Variants in WNK2 observed in about 807,000 individuals in gnomAD.
WNK2 encodes serine/threonine-protein kinase WNK2.
Under a neutral mutation model 192.1 loss-of-function variants are expected in WNK2, and 67 were observed. The observed-to-expected ratio is 0.35, with a 90% CI of 0.29 to 0.43. The LOEUF is 0.43. Among genes scored for constraint, WNK2 ranks in the 20% least tolerant of loss-of-function variants. WNK2 has a pLI of 1.00. For missense variants in WNK2, 2,698 were observed against 3,089.7 expected (o/e 0.87, Z 3.01); for synonymous variants, 1,439 against 1,393.9 (o/e 1.03, Z -0.72).
chr9:93,206,365 A>C (rs1311742509), intron 2 of WNK2, among the ~76,000 whole-genome samples: 1 of 152,078 alleles, frequency 6.6e-6, no homozygotes. Context: ...GGAAACCCCC[A>C]CCCCTTCACC....
chr9:93,245,029 G>A (rs767075539), intron 7 of WNK2, among the ~76,000 whole-genome samples: 6 of 77,948 alleles, frequency 7.7e-5, no homozygotes, highest in East Asian at 3.9e-4. Context: ...CCCCTCCCCC[G>A]CCCCACTTAT....
At chr9:93,317,899 A>G in intron 29 of WNK2, 1 of 1,588,470 alleles carries the variant, frequency 6.3e-7, no homozygotes, top group Non-Finnish European at 8.6e-7. Context: ...CGCCCGGAGA[A>G]ACCAGGTGTG....
Position 93,297,935 on chromosome 9 carries a change from C to T in WNK2, c.5791C>T (p.Pro1931Ser). Residue 1931 changes from proline (P) to serine (S), a missense_variant, in exon 24 of 30, where the codon CCC becomes TCC. Coordinates refer to ENST00000427277, the MANE Select transcript of WNK2 (RefSeq NM_006648.4). ...ALYRRLGKPL[P>S]PNVGFFHTAP... ...GTACCGCCGCCTGGGCAAGCCACTG[C>T]CCCCCAACGTGGGCTTCTTCCACAC... is the stretch of plus-strand genomic sequence containing the variant. 2 of 1,589,244 alleles carry T rather than the reference C, an allele frequency of 1.3e-6. No individual in the cohort carries two copies. The highest frequency in any genetic ancestry group is 1.7e-6 in the Non-Finnish European group (2 of 1,169,066).
intron 14 of WNK2, chr9:93,263,364 G>GC (rs1195468647): frequency 4.7e-6 from 3 of 633,218 alleles, no homozygotes; most frequent in Non-Finnish European, 8.3e-6. Context: ...GCTTCCTTCT[G>GC]CCCGTGCCAC....
chr9:93,294,875 G>A (rs1849982417), intron 23 of WNK2, among the ~76,000 whole-genome samples: 1 of 152,132 alleles, frequency 6.6e-6, no homozygotes, highest in South Asian at 2.1e-4. Flanking sequence ...GGAGTCCAGA[G>A]GGAAGTGTGG....
Position 93,258,990 on chromosome 9 carries a change from T to A in WNK2, c.2442T>A (p.Pro814=). The change falls in exon 12 of 30, where the codon CCT becomes CCA. Residue 814 remains proline, a synonymous_variant. Transcript: ENST00000427277. ...ITPLAGIDGL[P]PALPDLPTAT... is the part of the protein sequence containing the mutation. ...CCCTGGCGGGAATCGACGGCCTCCCTCCGGCCCTCCCAGACCTGCCGACCG... is the reference window on the plus strand; with the variant it reads ...CCCTGGCGGGAATCGACGGCCTCCCACCGGCCCTCCCAGACCTGCCGACCG... 1 of 1,612,780 alleles carries A rather than the reference T, an allele frequency of 6.2e-7. No homozygotes were observed. Among genetic ancestry groups the A allele is most frequent in the Non-Finnish European group, 8.5e-7 (1 of 1,179,784 alleles).
chr9:93,222,184 T>C (rs896064809), intron 2 of WNK2, among the ~76,000 whole-genome samples: 1 of 151,986 alleles, frequency 6.6e-6, no homozygotes, highest in African/African-American at 2.4e-5. Context: ...ACCCCCTTTT[T>C]TTGAGGCAGG....
chr9:93,216,935 A>T (rs1835845488), intron 2 of WNK2, among the ~76,000 whole-genome samples: 1 of 152,126 alleles, frequency 6.6e-6, no homozygotes, highest in African/African-American at 2.4e-5. Flanking sequence ...ATGTGAATCA[A>T]TATAAAATTA....
chr9:93,275,179 G>A (rs112681446), intron 19 of WNK2, among the ~76,000 whole-genome samples: 1,586 of 152,310 alleles, frequency 0.01, 21 homozygotes, highest in Admixed American at 0.012. Flanking sequence ...AGTTGACACA[G>A]CAGAATCAGT....
At chr9:93,205,572 C>G (rs929333438) in intron 2 of WNK2, among the ~76,000 whole-genome samples, 2 of 152,252 alleles carry the variant, frequency 1.3e-5, no homozygotes, top group Non-Finnish European at 2.9e-5. Flanking sequence ...GCCCCGCGGC[C>G]GGCTGTCTGG....
Position 93,318,447 on chromosome 9 carries a change from G to A in WNK2, c.6628+816G>A, listed in dbSNP as rs201784838. 228 of 1,614,108 alleles carry A rather than the reference G, an allele frequency of 1.4e-4. No individual in the cohort carries two copies. In the African/African-American group the frequency reaches 2.2e-3, roughly 15 times the overall value. On this transcript the variant is annotated intron_variant, in intron 29 of 29. Coordinates refer to ENST00000427277, the MANE Select transcript of WNK2 (RefSeq NM_006648.4). ...GGACGCTGGGGCAGGGCACACTGGCGGAGCTGCTTGCTCAGTAGGGAATGT... is the reference window on the plus strand; with the variant it reads ...GGACGCTGGGGCAGGGCACACTGGCAGAGCTGCTTGCTCAGTAGGGAATGT...
Position 93,308,410 on chromosome 9 carries a change from C to T in WNK2, c.6342C>T (p.Ser2114=). The T allele has an allele frequency of 6.3e-7, 1 of 1,598,378 alleles. No homozygotes were observed. The highest frequency in any genetic ancestry group is 8.5e-7 in the Non-Finnish European group (1 of 1,173,212). Residue 2114 remains serine (S), a synonymous_variant, in exon 28 of 30, where the codon AGC becomes AGT. Coordinates refer to ENST00000427277, the MANE Select transcript of WNK2 (RefSeq NM_006648.4). Reference sequence around the variant, plus strand: ...ACGTCCAGGCGCAGGTGAACAACAGCAACAACAAGAAGGGTACCTTCACGG... The same window carrying T: ...ACGTCCAGGCGCAGGTGAACAACAGTAACAACAAGAAGGGTACCTTCACGG... The part of the protein sequence containing the change: ...ALHVQAQVNN[S]NNKKGTFTDD...
chr9:93,266,397 T>C (rs1212462619), intron 16 of WNK2, among the ~76,000 whole-genome samples: 1 of 152,246 alleles, frequency 6.6e-6, no homozygotes, highest in African/African-American at 2.4e-5. Context: ...GGACCTTGTA[T>C]TTTTAGATTT....
intron 29 of WNK2, chr9:93,317,948 A>G (rs769672998): frequency 7.4e-6 from 12 of 1,611,716 alleles, no homozygotes; most frequent in Non-Finnish European, 1.0e-5. Flanking sequence ...TGCTGTGGGC[A>G]CAGCACTCAG....
At position 93,228,082 on chromosome 9, in the gene WNK2, T is replaced by G. The variant is rs10992683; in HGVS notation, c.682-1614T>G. Among the ~76,000 whole-genome samples, 10 of 152,292 alleles carry G rather than the reference T, an allele frequency of 6.6e-5. No homozygotes were observed. In the East Asian group the frequency reaches 1.5e-3, roughly 23 times the overall value. ...TTGGGAGTTGCCGTTGGTCTCTGAATTATTTGTTTTCTGGGTTGGCCCCAT... is the reference window on the plus strand; with the variant it reads ...TTGGGAGTTGCCGTTGGTCTCTGAAGTATTTGTTTTCTGGGTTGGCCCCAT... On this transcript the variant is annotated intron_variant, in intron 2 of 29. Coordinates refer to ENST00000427277, the MANE Select transcript of WNK2 (RefSeq NM_006648.4).
intron 2 of WNK2, among the ~76,000 whole-genome samples, chr9:93,198,373 G>T (rs1322529932): frequency 6.6e-6 from 1 of 152,238 alleles, no homozygotes; most frequent in Non-Finnish European, 1.5e-5. Context: ...GCAGGAGGAG[G>T]CTGATGGGGA....
At chr9:93,253,104 AC>A in intron 9 of WNK2, 22 bp downstream of exon 9, 2 of 1,377,870 alleles carry the variant, frequency 1.5e-6, no homozygotes, top group Admixed American at 3.5e-5. Context: ...CATCACTCCC[AC>A]CCCCTTCCCC....
intron 7 of WNK2, among the ~76,000 whole-genome samples, chr9:93,240,701 C>T (rs7022051): frequency 0.13 from 19,129 of 151,950 alleles, 1,282 homozygotes; most frequent in Middle Eastern, 0.17. Context: ...AGGGGGTCAG[C>T]GGTGGAATGG....
intron 27 of WNK2, 153 bp downstream of exon 27, chr9:93,306,974 G>A (rs1190424043): frequency 1.1e-6 from 1 of 908,836 alleles, no homozygotes; most frequent in East Asian, 2.4e-5. Context: ...GCACTGCTTC[G>A]CTTCTGCCTG....
Sources: gnomAD v4.1 joint callset for allele counts (sites outside exome capture counted in the v4.1 genomes callset) on GRCh38, gnomAD v4.1.1 for gene constraint, MANE v1.5 for transcripts, NCBI Gene and HGNC (gene_info 2026-07-23, HGNC 2026-07-21) for gene names.